COL23A1: variants seen among roughly 807,000 people sequenced by gnomAD.
COL23A1 encodes the protein collagen type XXIII alpha 1 chain, also known as collagen alpha-1(XXIII) chain.
A neutral mutation model predicts 99.3 loss-of-function variants in COL23A1; 97 were observed. That is an observed-to-expected ratio of 0.98 (90% CI 0.83 to 1.16). The LOEUF (loss-of-function observed/expected upper bound fraction) is 1.16. COL23A1 is among the 50% of genes most tolerant of loss of function. The pLI, the probability that COL23A1 is intolerant of heterozygous loss-of-function variation, is 0.00. For synonymous variants in COL23A1, 320 were observed against 308.2 expected (o/e 1.04, Z -0.40); for missense variants, 762 against 757.4 (o/e 1.01, Z -0.07).
chr5:178,422,893 T>A (rs185365933), intron 2 of COL23A1, among the ~76,000 whole-genome samples: 1 of 152,300 alleles, frequency 6.6e-6, no homozygotes, highest in African/African-American at 2.4e-5. Context: ...TGACTTATAA[T>A]TTTCTGACTT....
chr5:178,336,654 G>A (rs547896133), intron 2 of COL23A1, among the ~76,000 whole-genome samples: 7 of 152,264 alleles, frequency 4.6e-5, no homozygotes, highest in South Asian at 4.1e-4. Flanking sequence ...TACAAGTGAC[G>A]GTGGTGTGAC....
intron 1 of COL23A1, among the ~76,000 whole-genome samples, chr5:178,582,903 G>T (rs567529610): frequency 1.1e-4 from 16 of 152,162 alleles, no homozygotes; most frequent in African/African-American, 3.9e-4. Flanking sequence ...GGGCACACCC[G>T]CACTGTCCCA....
At chr5:178,356,370 A>G (rs1344891737) in intron 2 of COL23A1, among the ~76,000 whole-genome samples, 1 of 100,552 alleles carries the variant, frequency 9.9e-6, no homozygotes, top group Non-Finnish European at 2.0e-5. Context: ...ATATCAATAA[A>G]GCTGTTATGA....
chr5:178,465,484 C>T (rs1756366899), intron 2 of COL23A1, among the ~76,000 whole-genome samples: 4 of 152,190 alleles, frequency 2.6e-5, no homozygotes, highest in Non-Finnish European at 5.9e-5. Context: ...AGGCAGATAA[C>T]CCCTCTGACA....
chr5:178,311,240 C>T (rs1179193293), intron 2 of COL23A1, among the ~76,000 whole-genome samples: 2 of 151,740 alleles, frequency 1.3e-5, no homozygotes, highest in Non-Finnish European at 2.9e-5. Flanking sequence ...GGTGGGGAAG[C>T]TGTGTCTTCT....
intron 1 of COL23A1, among the ~76,000 whole-genome samples, chr5:178,586,231 T>C (rs768014317): frequency 1.2e-4 from 19 of 152,220 alleles, no homozygotes; most frequent in Non-Finnish European, 2.2e-4. Flanking sequence ...TTCTGTTACT[T>C]CCCATCAAAA....
intron 2 of COL23A1, among the ~76,000 whole-genome samples, chr5:178,367,912 C>T (rs907736602): frequency 6.6e-6 from 1 of 152,150 alleles, no homozygotes; most frequent in Non-Finnish European, 1.5e-5. Context: ...CAGCTGCTGT[C>T]CTGGAGGGGC....
At chr5:178,420,376 TC>T (rs1470919166) in intron 2 of COL23A1, among the ~76,000 whole-genome samples, 1 of 44,366 alleles carries the variant, frequency 2.3e-5, no homozygotes, top group Non-Finnish European at 4.3e-5. Flanking sequence ...TCTTTCCTCC[TC>T]CCCTCCCCCC....
intron 2 of COL23A1, among the ~76,000 whole-genome samples, chr5:178,558,980 G>C (rs550618035): frequency 7.2e-5 from 11 of 152,206 alleles, no homozygotes; most frequent in African/African-American, 2.6e-4. Context: ...TGTAGAGACA[G>C]GGTTTCACCA....
chr5:178,413,389 G>A (rs543785958), intron 2 of COL23A1, among the ~76,000 whole-genome samples: 16 of 152,292 alleles, frequency 1.1e-4, no homozygotes, highest in South Asian at 2.1e-4. Context: ...TCCAGGTGGC[G>A]TTTTCCAATT....
chr5:178,526,040 G>A (rs968982390), intron 2 of COL23A1, among the ~76,000 whole-genome samples: 1 of 152,250 alleles, frequency 6.6e-6, no homozygotes, highest in African/African-American at 2.4e-5. Flanking sequence ...CAGCGGAGGC[G>A]AGTGTCCTCG....
At chr5:178,496,471 A>G (rs981318689) in intron 2 of COL23A1, among the ~76,000 whole-genome samples, 2 of 152,226 alleles carry the variant, frequency 1.3e-5, no homozygotes, top group Non-Finnish European at 2.9e-5. Context: ...CAGAAGTTGT[A>G]GCCGGACTAA....
intron 2 of COL23A1, among the ~76,000 whole-genome samples, chr5:178,350,346 A>G (rs998206777): frequency 6.6e-6 from 1 of 152,174 alleles, no homozygotes; most frequent in Non-Finnish European, 1.5e-5. Context: ...GGGTCCCAGC[A>G]GCCAGCACAG....
chr5:178,514,063 C>A (rs2127997295), intron 2 of COL23A1, among the ~76,000 whole-genome samples: 1 of 152,238 alleles, frequency 6.6e-6, no homozygotes, highest in Admixed American at 6.5e-5. Flanking sequence ...AGTAACTCCC[C>A]ACTTTCTCCT....
intron 2 of COL23A1, among the ~76,000 whole-genome samples, chr5:178,356,524 G>T (rs77772068): frequency 0.013 from 1,910 of 152,292 alleles, 29 homozygotes; most frequent in African/African-American, 0.044. Context: ...TGGAGGCAGG[G>T]GTGGGAGGAG....
At chr5:178,328,581 G>A (rs1385209978) in intron 2 of COL23A1, among the ~76,000 whole-genome samples, 1 of 152,186 alleles carries the variant, frequency 6.6e-6, no homozygotes, top group Non-Finnish European at 1.5e-5. Context: ...TAGCATTATG[G>A]CTGAGTATAA....
intron 2 of COL23A1, among the ~76,000 whole-genome samples, chr5:178,320,048 C>T (rs911476574): frequency 2.0e-5 from 3 of 152,234 alleles, no homozygotes; most frequent in Admixed American, 6.5e-5. Context: ...GCCGCCTCCT[C>T]GGGATGCCTT....
intron 2 of COL23A1, among the ~76,000 whole-genome samples, chr5:178,364,084 G>A (rs994963584): frequency 9.9e-5 from 15 of 152,168 alleles, no homozygotes; most frequent in African/African-American, 2.7e-4. Context: ...CCTCGGTCCC[G>A]CCCCGGGTCA....
chr5:178,295,748 G>C (rs549232482), intron 3 of COL23A1, among the ~76,000 whole-genome samples: 7 of 152,350 alleles, frequency 4.6e-5, no homozygotes, highest in African/African-American at 1.7e-4. Flanking sequence ...ATTAAATAGA[G>C]GATGGTGCAG....
Sources: gnomAD v4.1 joint callset for allele counts (sites outside exome capture counted in the v4.1 genomes callset) on GRCh38, gnomAD v4.1.1 for gene constraint, MANE v1.5 for transcripts, NCBI Gene and HGNC (gene_info 2026-07-23, HGNC 2026-07-21) for gene names.